Variants in ZNRF3 observed in about 807,000 individuals in gnomAD.
The protein encoded by ZNRF3 is E3 ubiquitin-protein ligase ZNRF3.
ZNRF3 carries 23 observed loss-of-function variants against 72.5 expected under a neutral mutation model. That is an observed-to-expected ratio of 0.32 (90% CI 0.23 to 0.45). The LOEUF (loss-of-function observed/expected upper bound fraction) is 0.45, where lower values mean the gene tolerates loss of function less well. Among genes scored for constraint, ZNRF3 ranks in the 20% least tolerant of loss-of-function variants. The probability of loss-of-function intolerance (pLI) is 1.00; values close to 1 mark genes in which losing one functional copy is unlikely to be tolerated. For missense variants in ZNRF3, 1,169 were observed against 1,272.1 expected (o/e 0.92, Z 1.23); for synonymous variants, 610 against 545.3 (o/e 1.12, Z -1.65).
intron 1 of ZNRF3, among the ~76,000 whole-genome samples, chr22:28,959,149 A>G (rs1473936676): frequency 6.6e-6 from 1 of 152,200 alleles, no homozygotes; most frequent in East Asian, 1.9e-4. Context: ...GTACAAGGCC[A>G]TTTTTCTTGG....
intron 2 of ZNRF3, among the ~76,000 whole-genome samples, chr22:29,006,409 C>T (rs1260721516): frequency 5.9e-5 from 9 of 152,094 alleles, no homozygotes; most frequent in Admixed American, 5.9e-4. Flanking sequence ...GATGGGGTTT[C>T]ACCATTTGGT....
chr22:29,050,578 T>C lies in ZNRF3; in HGVS notation c.2397T>C (p.Thr799=), dbSNP rs1396662755. 1.4e-5 allele frequency: 22 copies of C among 1,608,388 alleles called. No individual in the cohort carries two copies. Among genetic ancestry groups the C allele is most frequent in the Non-Finnish European group, 1.8e-5 (21 of 1,177,882 alleles). Residue 799 remains threonine (T), a synonymous_variant, in exon 8 of 9, where the codon ACT becomes ACC. Coordinates refer to ENST00000544604, the MANE Select transcript of ZNRF3 (RefSeq NM_001206998.2). ...RGGGGGSGCY[T]EDYSVSVQYT... ...GCGGAGGGGGCAGCGGCTGCTACAC[T>C]GAGGACTACTCGGTGAGTGTGCAGT...
intron 2 of ZNRF3, among the ~76,000 whole-genome samples, chr22:29,000,261 T>G (rs1331181612): frequency 6.6e-6 from 1 of 152,248 alleles, no homozygotes; most frequent in Non-Finnish European, 1.5e-5. Flanking sequence ...ACGTGGGCTA[T>G]TTCTTGTGCT....
At chr22:29,014,889 G>C (rs375931086) in intron 2 of ZNRF3, among the ~76,000 whole-genome samples, 5 of 152,208 alleles carry the variant, frequency 3.3e-5, no homozygotes, top group African/African-American at 4.8e-5. Flanking sequence ...AGAGCTCAGA[G>C]TCAAGGTTCC....
chr22:29,039,784 C>T (rs1277461770), intron 2 of ZNRF3, among the ~76,000 whole-genome samples: 1 of 85,326 alleles, frequency 1.2e-5, no homozygotes, highest in African/African-American at 4.7e-5. Flanking sequence ...TCGTCTCTAC[C>T]AAAAAAAAAA....
chr22:28,970,841 G>A (rs1425295950), intron 1 of ZNRF3, among the ~76,000 whole-genome samples: 2 of 152,152 alleles, frequency 1.3e-5, no homozygotes, highest in African/African-American at 2.4e-5. Context: ...AAATCAGATC[G>A]GTGATAGTCT....
At chr22:28,992,510 T>C (rs2123833383) in intron 2 of ZNRF3, among the ~76,000 whole-genome samples, 1 of 152,174 alleles carries the variant, frequency 6.6e-6, no homozygotes, top group South Asian at 2.1e-4. Context: ...GGGCATGAAC[T>C]CTCTGGGTTT....
intron 2 of ZNRF3, among the ~76,000 whole-genome samples, chr22:28,998,357 A>C (rs1052231820): frequency 6.6e-6 from 1 of 152,140 alleles, no homozygotes; most frequent in Non-Finnish European, 1.5e-5. Flanking sequence ...TATCACTATC[A>C]ATTTCTAAAC....
chr22:28,942,316 A>G (rs571874322), intron 1 of ZNRF3, among the ~76,000 whole-genome samples: 1 of 152,350 alleles, frequency 6.6e-6, no homozygotes, highest in South Asian at 2.1e-4. Flanking sequence ...CTGAAAACCT[A>G]CTAAAACCAA....
In ZNRF3 at chr22:29,050,316, G is replaced by C; in HGVS notation, c.2135G>C (p.Cys712Ser). 6.3e-7 allele frequency: 1 copy of C among 1,599,390 alleles called. No homozygotes were observed. The highest frequency in any genetic ancestry group is 8.5e-7 in the Non-Finnish European group (1 of 1,177,698). ...KGGHELPSCA[C>S]CCEPQPSPAG... is the part of the protein sequence containing the mutation. ...GGCCACGAGTTGCCGTCGTGTGCCT[G>C]CTGCTGCGAGCCCCAGCCCTCCCCA... is the stretch of plus-strand genomic sequence containing the variant. The change falls in exon 8 of 9, where the codon TGC (cysteine) becomes TCC (serine). Residue 712 changes from cysteine (C) to serine (S), a missense_variant. Transcript: ENST00000544604.
chr22:28,930,364 T>C (rs2034682602), intron 1 of ZNRF3, among the ~76,000 whole-genome samples: 1 of 152,176 alleles, frequency 6.6e-6, no homozygotes, highest in Admixed American at 6.5e-5. Flanking sequence ...AGAGAGTAGT[T>C]TCCCAGCCAG....
intron 1 of ZNRF3, among the ~76,000 whole-genome samples, chr22:28,973,928 G>T (rs1255219107): frequency 6.7e-6 from 1 of 149,724 alleles, no homozygotes; most frequent in African/African-American, 2.4e-5. Flanking sequence ...AATATTGTGG[G>T]AAAGGAATGC....
At chr22:28,902,621 G>C (rs1601539313) in intron 1 of ZNRF3, among the ~76,000 whole-genome samples, 1 of 152,182 alleles carries the variant, frequency 6.6e-6, no homozygotes, top group Non-Finnish European at 1.5e-5. Flanking sequence ...GATGGGAGAG[G>C]CTGCAGAGTG....
Position 28,952,307 on chromosome 22 carries a change from A to G in ZNRF3, c.301-34769A>G, listed in dbSNP as rs138458741. ...CCCCAGGAATGTGGAACGCTATGGA[A>G]ATGCTCTGGCCCTCCCTTCTGGACG... On this transcript the variant is annotated intron_variant, in intron 1 of 8. Transcript: ENST00000544604. Among the ~76,000 whole-genome samples, 257 of 152,320 alleles carry G rather than the reference A, an allele frequency of 1.7e-3. 3 individuals carry two copies. Among genetic ancestry groups the G allele is most frequent in the African/African-American group, 5.6e-3 (234 of 41,564 alleles).
At chr22:28,905,445 A>G (rs1162023082) in intron 1 of ZNRF3, among the ~76,000 whole-genome samples, 2 of 152,220 alleles carry the variant, frequency 1.3e-5, no homozygotes, top group Non-Finnish European at 2.9e-5. Flanking sequence ...TTGGCTGAAA[A>G]TAACAGAGAA....
intron 1 of ZNRF3, among the ~76,000 whole-genome samples, chr22:28,968,626 T>A (rs2035516868): frequency 6.6e-6 from 1 of 152,194 alleles, no homozygotes; most frequent in Non-Finnish European, 1.5e-5. Flanking sequence ...GGAGAATGGC[T>A]TGAACCCGGG....
chr22:28,927,278 G>A (rs973233451), intron 1 of ZNRF3, among the ~76,000 whole-genome samples: 3 of 151,972 alleles, frequency 2.0e-5, no homozygotes, highest in Non-Finnish European at 2.9e-5. Context: ...TCAAAGCACC[G>A]GGCGTGGTGG....
chr22:28,945,686 C>T (rs1033416340), intron 1 of ZNRF3, among the ~76,000 whole-genome samples: 4 of 152,032 alleles, frequency 2.6e-5, no homozygotes, highest in South Asian at 2.1e-4. Context: ...GGCACCACCA[C>T]GCTGAGCTAA....
intron 2 of ZNRF3, among the ~76,000 whole-genome samples, chr22:29,019,152 G>T (rs762430860): frequency 6.6e-6 from 1 of 151,868 alleles, no homozygotes; most frequent in African/African-American, 2.4e-5. Context: ...TGAACTATTC[G>T]ATCCCCTCAA....
Sources: allele counts gnomAD v4.1 joint callset (sites outside exome capture counted in the v4.1 genomes callset), GRCh38; gene constraint gnomAD v4.1.1; transcripts MANE v1.5; gene names NCBI Gene and HGNC (gene_info 2026-07-23, HGNC 2026-07-21).